ZNF865: variants seen among roughly 807,000 people sequenced by gnomAD.
ZNF865 encodes the protein zinc finger protein 865.
For missense variants in ZNF865, 1,311 were observed against 1,593.4 expected, an observed-to-expected ratio of 0.82 and a Z score of 3.02; for synonymous variants, 763 against 750.8, an observed-to-expected ratio of 1.02 and a Z score of -0.27.
At chr19:55,609,709 G>A (rs996188998) in intron 1 of ZNF865, among the ~76,000 whole-genome samples, 1 of 152,136 alleles carries the variant, frequency 6.6e-6, no homozygotes, top group Non-Finnish European at 1.5e-5. Context: ...CTGCCTCCAG[G>A]CAATAACAAA....
At position 55,616,087 on chromosome 19, in the gene ZNF865, C is replaced by T; in HGVS notation, c.2469C>T (p.Gly823=). 1 of 1,494,794 alleles carries T rather than the reference C, an allele frequency of 6.7e-7. No homozygotes were observed. 92.6% of individuals were successfully genotyped at this position (1,494,794 alleles called of 1,614,324 possible). Residue 823 remains glycine, a synonymous_variant, in exon 2 of 2, where the codon GGC becomes GGT. Transcript: ENST00000568956. The part of the protein sequence containing the change: ...VHLVRRTLGC[G]LCGQSFAGAY... The stretch of plus-strand genomic sequence containing the variant: ...TGGTGCGACGGACCCTGGGCTGCGG[C>T]CTCTGCGGCCAGAGCTTCGCGGGCG...
At chr19:55,607,084 A>C (rs1462150248) in intron 1 of ZNF865, among the ~76,000 whole-genome samples, 3 of 152,162 alleles carry the variant, frequency 2.0e-5, no homozygotes, top group African/African-American at 4.8e-5. Flanking sequence ...TTGGTCTCAA[A>C]AGGCTTTGGA....
chr19:55,606,401 C>T (rs1408191668), intron 1 of ZNF865, among the ~76,000 whole-genome samples: 1 of 152,168 alleles, frequency 6.6e-6, no homozygotes, highest in Non-Finnish European at 1.5e-5. Flanking sequence ...TTCCTTCACA[C>T]TCACATCCTC....
Position 55,615,050 on chromosome 19 carries a change from G to A in ZNF865, c.1432G>A (p.Ala478Thr), listed in dbSNP as rs537830532. ...AAAEAPKDGA[A>T]SAPQPPPTFP... The stretch of plus-strand genomic sequence containing the variant: ...TGCGGAGGCGCCCAAGGACGGGGCG[G>A]CCTCGGCCCCGCAGCCCCCGCCCAC... Residue 478 changes from alanine to threonine, a missense_variant, in exon 2 of 2, where the codon GCC (alanine) becomes ACC (threonine). Physicochemically the swap from Ala to Thr is moderately conservative, Grantham distance 58 (BLOSUM62 0). Coordinates refer to ENST00000568956, the MANE Select transcript of ZNF865 (RefSeq NM_001195605.2). 9 of 1,250,002 alleles carry A rather than the reference G, an allele frequency of 7.2e-6. No homozygotes were observed. The South Asian group carries it at 1.1e-4, about 16-fold the overall frequency. 77.4% of individuals were successfully genotyped at this position (1,250,002 alleles called of 1,614,324 possible). A position where few individuals can be genotyped will look rare whatever the true frequency, so the allele number is the denominator to read the frequency against.
Position 55,614,414 on chromosome 19 carries a change from A to G in ZNF865, c.796A>G (p.Ser266Gly). The change falls in exon 2 of 2, where the codon AGC (serine) becomes GGC (glycine). Residue 266 changes from serine to glycine, a missense_variant. Transcript: ENST00000568956. This position sits in a 1 kb window ranked among gnomAD's most constrained non-coding sequence, Gnocchi z 8.0. ...CGGCCGCACCTACAACCACGTGTCC[A>G]GCCTCATCCGCCACCGCCGCTGCCA... ...VCGRTYNHVS[S>G]LIRHRRCHKD... 1.4e-6 allele frequency: 2 copies of G among 1,467,102 alleles called. No individual in the cohort carries two copies. Among genetic ancestry groups the G allele is most frequent in the Non-Finnish European group, 1.8e-6 (2 of 1,112,664 alleles). 90.9% of individuals were successfully genotyped at this position (1,467,102 alleles called of 1,614,324 possible).
Position 55,613,751 on chromosome 19 carries a change from A to G in ZNF865, c.133A>G (p.Met45Val). The part of the protein sequence containing the change: ...EFLNHQRFEP[M>V]ELYGEHAKAV... ...CCTCAACCACCAGCGCTTCGAGCCCATGGAACTGTATGGGGAACACGCCAA... is the reference window on the plus strand; with the variant it reads ...CCTCAACCACCAGCGCTTCGAGCCCGTGGAACTGTATGGGGAACACGCCAA... The change falls in exon 2 of 2, where the codon ATG becomes GTG. Residue 45 changes from methionine (M) to valine (V), a missense_variant. Coordinates refer to ENST00000568956, the MANE Select transcript of ZNF865 (RefSeq NM_001195605.2). 1 of 1,534,546 alleles carries G rather than the reference A, an allele frequency of 6.5e-7. No individual in the cohort carries two copies. The highest frequency in any genetic ancestry group is 8.7e-7 in the Non-Finnish European group (1 of 1,146,168).
Position 55,615,032 on chromosome 19 carries a change from G to A in ZNF865, c.1414G>A (p.Ala472Thr). ...AHAPPAAAAE[A>T]PKDGAASAPQ... is the part of the protein sequence containing the mutation. ...CGCCCCGCCCGCTGCCGCTGCGGAG[G>A]CGCCCAAGGACGGGGCGGCCTCGGC... The change falls in exon 2 of 2, where the codon GCG becomes ACG. Residue 472 changes from alanine to threonine, a missense_variant. Transcript: ENST00000568956. The A allele has an allele frequency of 1.5e-6, 2 of 1,311,436 alleles. No individual in the cohort carries two copies. Among genetic ancestry groups the A allele is most frequent in the South Asian group, 3.7e-5 (2 of 53,994 alleles). The allele number at this position is 1,311,436 out of a possible 1,614,324, so 81.2% of individuals were successfully genotyped here.
At position 55,616,955 on chromosome 19, in the gene ZNF865, C is replaced by G. The variant is rs1981384540; in HGVS notation, c.*157C>G. The G allele has an allele frequency of 1.4e-6, 1 of 700,160 alleles. No homozygotes were observed. The allele number at this position is 700,160 out of a possible 1,614,324, so 43.4% of individuals were successfully genotyped here. Reference sequence around the variant, plus strand: ...GGGCGCACGCCCGACAGGCTCAAGACTGAATCACTCCCATCCTCGACCTCT... The same window carrying G: ...GGGCGCACGCCCGACAGGCTCAAGAGTGAATCACTCCCATCCTCGACCTCT... On this transcript the variant is annotated 3_prime_UTR_variant, in exon 2 of 2. Coordinates refer to ENST00000568956, the MANE Select transcript of ZNF865 (RefSeq NM_001195605.2).
Position 55,615,208 on chromosome 19 carries a change from C to G in ZNF865, c.1590C>G (p.Leu530=). The change falls in exon 2 of 2, where the codon CTC becomes CTG. Residue 530 remains leucine, a synonymous_variant. Coordinates refer to ENST00000568956, the MANE Select transcript of ZNF865 (RefSeq NM_001195605.2). ...VPLLGAHPLL[L]GGAGTSGAGG... is the part of the protein sequence containing the mutation. ...TCCTGGGCGCCCACCCGCTGCTGCT[C>G]GGCGGCGCGGGGACCAGCGGGGCGG... 6.9e-7 allele frequency: 1 copy of G among 1,441,792 alleles called. No homozygotes were observed. The highest frequency in any genetic ancestry group is 9.0e-7 in the Non-Finnish European group (1 of 1,108,830). The allele number at this position is 1,441,792 out of a possible 1,614,324, so 89.3% of individuals were successfully genotyped here.
chr19:55,610,195 C>T (rs1981081357), intron 1 of ZNF865, among the ~76,000 whole-genome samples: 1 of 152,208 alleles, frequency 6.6e-6, no homozygotes, highest in Non-Finnish European at 1.5e-5. Context: ...GCTTTGGCTG[C>T]ACCTCCTCAG....
Position 55,614,583 on chromosome 19 carries a change from C to T in ZNF865, c.965C>T (p.Ala322Val), listed in dbSNP as rs1479306282. 7.9e-6 allele frequency: 12 copies of T among 1,513,864 alleles called. No homozygotes were observed. Among genetic ancestry groups the T allele is most frequent in the African/African-American group, 1.4e-5 (1 of 71,182 alleles). 93.8% of individuals were successfully genotyped at this position (1,513,864 alleles called of 1,614,324 possible). Residue 322 changes from alanine (A) to valine (V), a missense_variant, in exon 2 of 2, where the codon GCG (alanine) becomes GTG (valine). Physicochemically the swap from Ala to Val is moderately conservative, Grantham distance 64. Coordinates refer to ENST00000568956, the MANE Select transcript of ZNF865 (RefSeq NM_001195605.2). This position sits in a 1 kb window ranked among gnomAD's most constrained non-coding sequence, Gnocchi z 8.0. Reference sequence around the variant, plus strand: ...TCGGGCCCTCCAGCCACGCCCGTGGCGCCTGCCCCCTCCGCAGACGGGAGC... The same window carrying T: ...TCGGGCCCTCCAGCCACGCCCGTGGTGCCTGCCCCCTCCGCAGACGGGAGC... ...VSSGPPATPVAPAPSADGSAA... is the reference protein window; with the variant it reads ...VSSGPPATPVVPAPSADGSAA...
chr19:55,613,433 G>A lies in ZNF865; in HGVS notation c.-26-160G>A, dbSNP rs1455322533. 5 of 231,428 alleles carry A rather than the reference G, an allele frequency of 2.2e-5. No homozygotes were observed. The Admixed American group carries it at 2.6e-4, about 12-fold the overall frequency. 14.3% of individuals were successfully genotyped at this position (231,428 alleles called of 1,614,324 possible). A position where few individuals can be genotyped will look rare whatever the true frequency, so the allele number is the denominator to read the frequency against. On this transcript the variant is annotated intron_variant, in intron 1 of 1. Coordinates refer to ENST00000568956, the MANE Select transcript of ZNF865 (RefSeq NM_001195605.2). ...TGGGGCCAGGGAGCCAAGAGGAAGGGCTGCCCTTTGGGGTGGACAGGCAGA... is the reference window on the plus strand; with the variant it reads ...TGGGGCCAGGGAGCCAAGAGGAAGGACTGCCCTTTGGGGTGGACAGGCAGA...
intron 1 of ZNF865, among the ~76,000 whole-genome samples, chr19:55,607,624 C>G (rs1246616736): frequency 1.3e-5 from 2 of 152,114 alleles, no homozygotes; most frequent in African/African-American, 4.8e-5. Flanking sequence ...AAGAGATAGA[C>G]CTGGGGGGCT....
At chr19:55,606,153 C>T (rs1980932766) in intron 1 of ZNF865, among the ~76,000 whole-genome samples, 1 of 152,114 alleles carries the variant, frequency 6.6e-6, no homozygotes, top group African/African-American at 2.4e-5. Flanking sequence ...CAGAGTGTTT[C>T]CTTAGTGCCT....
intron 1 of ZNF865, among the ~76,000 whole-genome samples, chr19:55,607,178 G>A (rs957051795): frequency 6.6e-6 from 1 of 152,128 alleles, no homozygotes; most frequent in Non-Finnish European, 1.5e-5. Context: ...ACGTTCATTC[G>A]TAAACACTGG....
At chr19:55,609,273 G>C (rs766087076) in intron 1 of ZNF865, among the ~76,000 whole-genome samples, 1 of 152,104 alleles carries the variant, frequency 6.6e-6, no homozygotes, top group African/African-American at 2.4e-5. Context: ...CACCCACCTC[G>C]GCCTCCCAAA....
chr19:55,615,132 A>AGGCGGCGGCGGCCGC lies in ZNF865; in HGVS notation c.1523_1537dup (p.Ala508_Ala512dup). ...GACCCTCCCACCACAGACAGCGAGA[A>AGGCGGCGGCGGCCGC]GGCGGCGGCGGCCGCGGCGGCGGTG... On this transcript the variant is annotated inframe_insertion, in exon 2 of 2. Coordinates refer to ENST00000568956, the MANE Select transcript of ZNF865 (RefSeq NM_001195605.2). The AGGCGGCGGCGGCCGC allele has an allele frequency of 8.4e-7, 1 of 1,194,308 alleles. No individual in the cohort carries two copies. The allele number at this position is 1,194,308 out of a possible 1,614,324, so 74.0% of individuals were successfully genotyped here.
intron 1 of ZNF865, among the ~76,000 whole-genome samples, chr19:55,605,935 A>G (rs528340983): frequency 1.3e-4 from 20 of 152,102 alleles, no homozygotes; most frequent in East Asian, 9.7e-4. Flanking sequence ...CCCAGCTAGG[A>G]TGGCTGCCAA....
rs1484936551 is a variant in ZNF865, at chr19:55,614,170, A to G, written c.552A>G (p.Pro184=). 4 of 1,473,268 alleles carry G rather than the reference A, an allele frequency of 2.7e-6. No individual in the cohort carries two copies. The highest frequency in any genetic ancestry group is 2.7e-6 in the Non-Finnish European group (3 of 1,119,610). The allele number at this position is 1,473,268 out of a possible 1,614,324, so 91.3% of individuals were successfully genotyped here. Residue 184 remains proline (P), a synonymous_variant, in exon 2 of 2, where the codon CCA becomes CCG. Transcript: ENST00000568956. The surrounding 1 kb of genome is among the most constrained non-coding windows in gnomAD (Gnocchi z 8.0). ...TPGLGAPAGA[P]GPLPAPSQTP... ...GGCTGGGCGCTCCCGCGGGGGCCCC[A>G]GGGCCGCTTCCTGCCCCCTCGCAGA...
Sources: allele counts gnomAD v4.1 joint callset (sites outside exome capture counted in the v4.1 genomes callset), GRCh38; gene constraint gnomAD v4.1.1; non-coding constraint Gnocchi (gnomAD v3.1); transcripts MANE v1.5; gene names NCBI Gene and HGNC (gene_info 2026-07-23, HGNC 2026-07-21).